EXOC6B: variants seen among roughly 807,000 people sequenced by gnomAD.
The protein encoded by EXOC6B is SEC15 homolog B.
Under a neutral mutation model 113.5 loss-of-function variants are expected in EXOC6B, and 54 were observed. That is an observed-to-expected ratio of 0.48 (90% CI 0.38 to 0.60). EXOC6B has a LOEUF of 0.60. EXOC6B is among the 20% of genes least tolerant of loss of function. The pLI is 0.00. For missense variants in EXOC6B, 797 were observed against 977.5 expected (o/e 0.82, Z 2.46); for synonymous variants, 357 against 339.0 (o/e 1.05, Z -0.58).
At chr2:72,564,637 C>T (rs1476951075) in intron 7 of EXOC6B, among the ~76,000 whole-genome samples, 1 of 152,134 alleles carries the variant, frequency 6.6e-6, no homozygotes, top group Non-Finnish European at 1.5e-5. Flanking sequence ...CACCAGTGTG[C>T]ATTTCAGAAC....
At chr2:72,698,440 A>G (rs1191012486) in intron 6 of EXOC6B, among the ~76,000 whole-genome samples, 2 of 152,194 alleles carry the variant, frequency 1.3e-5, no homozygotes, top group Non-Finnish European at 2.9e-5. Context: ...CCAAAGTAAA[A>G]TGCCTTTTCA....
intron 20 of EXOC6B, among the ~76,000 whole-genome samples, chr2:72,274,501 A>G (rs1187050299): frequency 6.6e-6 from 1 of 152,122 alleles, no homozygotes; most frequent in Non-Finnish European, 1.5e-5. Flanking sequence ...GTACCTTGTA[A>G]AGTTTCTTTT....
intron 1 of EXOC6B, among the ~76,000 whole-genome samples, chr2:72,766,048 C>CA (rs1683041526): frequency 6.6e-6 from 1 of 151,972 alleles, no homozygotes; most frequent in South Asian, 2.1e-4. Flanking sequence ...TTAAGATAAG[C>CA]AAAAAGACTC....
At chr2:72,401,508 T>TATATAC (rs1693168113) in intron 18 of EXOC6B, among the ~76,000 whole-genome samples, 1 of 50,946 alleles carries the variant, frequency 2.0e-5, no homozygotes, top group East Asian at 3.2e-4. Context: ...TATATATATA[T>TATATAC]ATATATACAT....
chr2:72,499,102 A>G (rs897189009), intron 12 of EXOC6B, among the ~76,000 whole-genome samples: 1 of 152,148 alleles, frequency 6.6e-6, no homozygotes, highest in African/African-American at 2.4e-5. Flanking sequence ...GGTGGAAACT[A>G]CATATGAAAA....
intron 20 of EXOC6B, among the ~76,000 whole-genome samples, chr2:72,273,565 G>A (rs56143801): frequency 0.13 from 19,660 of 152,092 alleles, 1,357 homozygotes; most frequent in Admixed American, 0.17. Flanking sequence ...AGGGGAGGAA[G>A]CATCTGACCT....
intron 6 of EXOC6B, among the ~76,000 whole-genome samples, chr2:72,689,768 C>T (rs1404982477): frequency 6.6e-6 from 1 of 152,166 alleles, no homozygotes; most frequent in Non-Finnish European, 1.5e-5. Flanking sequence ...TGCCAACTTT[C>T]CCATGAGTCC....
intron 6 of EXOC6B, among the ~76,000 whole-genome samples, chr2:72,582,845 A>T (rs1377052118): frequency 6.6e-6 from 1 of 152,182 alleles, no homozygotes; most frequent in Non-Finnish European, 1.5e-5. Flanking sequence ...GCCCACCTAC[A>T]GGTCCCCCAA....
chr2:72,448,324 C>G (rs1452246493), intron 18 of EXOC6B, among the ~76,000 whole-genome samples: 2 of 152,188 alleles, frequency 1.3e-5, no homozygotes, highest in Non-Finnish European at 2.9e-5. Context: ...TTGTCTGTCT[C>G]TAGCTAGAGA....
Position 72,326,345 on chromosome 2 carries a change from TC to T in EXOC6B, c.2196+8601del, listed in dbSNP as rs1456228590. Among the ~76,000 whole-genome samples, 27 of 152,238 alleles carry T rather than the reference TC, an allele frequency of 1.8e-4. 1 individual carries two copies. The East Asian group carries it at 3.3e-3, about 19-fold the overall frequency. ...TATGGTAGAGGTTAGGGAGAAACCTTCTGAGTTCCTCAGGCTTGGTTTGTTG... is the reference window on the plus strand; with the variant it reads ...TATGGTAGAGGTTAGGGAGAAACCTTTGAGTTCCTCAGGCTTGGTTTGTTG... On this transcript the variant is annotated intron_variant, in intron 20 of 21. Transcript: ENST00000272427.
At chr2:72,224,728 C>G (rs575068142) in intron 20 of EXOC6B, among the ~76,000 whole-genome samples, 2 of 151,978 alleles carry the variant, frequency 1.3e-5, no homozygotes, top group South Asian at 4.2e-4. Context: ...CTCCTGTGCT[C>G]AAGTGATCCT....
intron 20 of EXOC6B, among the ~76,000 whole-genome samples, chr2:72,311,216 T>A (rs995039974): frequency 6.6e-6 from 1 of 152,242 alleles, no homozygotes; most frequent in Non-Finnish European, 1.5e-5. Context: ...ATAATACGGA[T>A]GTTACTGAAC....
chr2:72,279,454 A>C (rs1684995971), intron 20 of EXOC6B, among the ~76,000 whole-genome samples: 1 of 152,246 alleles, frequency 6.6e-6, no homozygotes, highest in Non-Finnish European at 1.5e-5. Context: ...AAGGGCCCAA[A>C]TATTAAAGAG....
At chr2:72,514,774 C>T in intron 9 of EXOC6B, 94 bp from the exon 10 acceptor site, 1 of 727,692 alleles carries the variant, frequency 1.4e-6, no homozygotes, top group Non-Finnish European at 2.3e-6. Context: ...AGGCTCAGCT[C>T]CCTAGATGAT....
Position 72,183,505 on chromosome 2 carries a change from C to T in EXOC6B, c.2309+570G>A, listed in dbSNP as rs1271382340. Among the ~76,000 whole-genome samples, 8 of 152,322 alleles carry T rather than the reference C, an allele frequency of 5.3e-5. No individual in the cohort carries two copies. In the East Asian group the frequency reaches 1.5e-3, roughly 29 times the overall value. On this transcript the variant is annotated intron_variant, in intron 21 of 21. Transcript: ENST00000272427. The stretch of plus-strand genomic sequence containing the variant: ...CAGGGAACCCTCTGCAGGCTAGTGA[C>T]TGCTTAAGGCAAGAATTAGACACCT...
chr2:72,402,005 C>CA (rs986662686), intron 18 of EXOC6B, among the ~76,000 whole-genome samples: 20 of 151,316 alleles, frequency 1.3e-4, no homozygotes, highest in South Asian at 1.3e-3. Context: ...ATTTTTTAGA[C>CA]AAAAAAATGG....
intron 6 of EXOC6B, among the ~76,000 whole-genome samples, chr2:72,650,612 GA>G (rs59626760): frequency 0.88 from 129,670 of 147,694 alleles, 56,729 homozygotes; most frequent in East Asian, 0.97. Flanking sequence ...GAAAAGAAAA[GA>G]AAAAAAAAAG....
chr2:72,284,841 A>T (rs986139355), intron 20 of EXOC6B, among the ~76,000 whole-genome samples: 3 of 152,100 alleles, frequency 2.0e-5, no homozygotes, highest in Admixed American at 6.6e-5. Context: ...CCAATGAACA[A>T]GTAGAATTTG....
At chr2:72,678,313 A>G (rs929751799) in intron 6 of EXOC6B, among the ~76,000 whole-genome samples, 9 of 152,236 alleles carry the variant, frequency 5.9e-5, no homozygotes, top group Non-Finnish European at 1.3e-4. Flanking sequence ...TTCAAGGCCT[A>G]TAAATACTGC....
Sources: gnomAD v4.1 joint callset for allele counts (sites outside exome capture counted in the v4.1 genomes callset) on GRCh38, gnomAD v4.1.1 for gene constraint, MANE v1.5 for transcripts, NCBI Gene and HGNC (gene_info 2026-07-23, HGNC 2026-07-21) for gene names.